CACNA1B: variants seen among roughly 807,000 people sequenced by gnomAD.
CACNA1B encodes voltage-dependent N-type calcium channel subunit alpha-1B.
Under a neutral mutation model 247.2 loss-of-function variants are expected in CACNA1B, and 70 were observed. The ratio of observed to expected loss-of-function variants is 0.28; its 90% CI spans 0.23 to 0.35. CACNA1B has a LOEUF of 0.35. Ranked by LOEUF, CACNA1B falls within the 10% of genes least tolerant of loss-of-function variation. The pLI, the probability that CACNA1B is intolerant of heterozygous loss-of-function variation, is 1.00. For synonymous variants in CACNA1B, 1,231 were observed against 1,294.4 expected (o/e 0.95, Z 1.05); for missense variants, 2,367 against 3,197.4 (o/e 0.74, Z 6.26).
rs1958869215 is a variant in CACNA1B at position 138,023,056 on chromosome 9, G to C, written c.2313G>C (p.Arg771=). 1 of 1,528,558 alleles carries C rather than the reference G, an allele frequency of 6.5e-7. No homozygotes were observed. Among genetic ancestry groups the C allele is most frequent in the Non-Finnish European group, 8.7e-7 (1 of 1,144,372 alleles). The allele number at this position is 1,528,558 out of a possible 1,614,324, so 94.7% of individuals were successfully genotyped here. Residue 771 remains arginine (R), a synonymous_variant, in exon 19 of 47, where the codon CGG becomes CGC. Coordinates refer to ENST00000371372, the MANE Select transcript of CACNA1B (RefSeq NM_000718.4). The part of the protein sequence containing the change: ...SAKARSVWEQ[R]ASQLRLQNLR... ...AGGCGCGCTCGGTGTGGGAGCAGCG[G>C]GCCAGCCAGCTACGGCTGCAGAACC... is the stretch of plus-strand genomic sequence containing the variant.
At chr9:138,039,275 T>C (rs2133462679) in intron 20 of CACNA1B, among the ~76,000 whole-genome samples, 1 of 152,322 alleles carries the variant, frequency 6.6e-6, no homozygotes, top group South Asian at 2.1e-4. Context: ...TAGAAGATTG[T>C]AGGATTTTAA....
chr9:137,975,842 T>A, intron 11 of CACNA1B, 65 bp from the exon 12 acceptor site: 1 of 964,318 alleles, frequency 1.0e-6, no homozygotes, highest in Non-Finnish European at 1.7e-6. Flanking sequence ...TGTCCTCCAG[T>A]CTGGGCTGGA....
rs1959551005 is a variant in CACNA1B at position 138,057,417 on chromosome 9, T to C, written c.3969-315T>C. ...GATTTATCTGTATTTTTTATTCTGT[T>C]GCTCATGATTTTGGTGTCACATCTA... On this transcript the variant is annotated intron_variant, in intron 26 of 46. Coordinates refer to ENST00000371372, the MANE Select transcript of CACNA1B (RefSeq NM_000718.4). The surrounding 1 kb of genome is among the most constrained non-coding windows in gnomAD (Gnocchi z 4.0). Among the ~76,000 whole-genome samples the C allele has an allele frequency of 6.6e-6, 1 of 152,202 alleles. No individual in the cohort carries two copies. Among genetic ancestry groups the C allele is most frequent in the African/African-American group, 2.4e-5 (1 of 41,442 alleles).
chr9:137,928,249 C>G (rs1037366564), intron 6 of CACNA1B, among the ~76,000 whole-genome samples: 1 of 152,146 alleles, frequency 6.6e-6, no homozygotes, highest in South Asian at 2.1e-4. Flanking sequence ...AGGCACCCAC[C>G]ACCACGCCTG....
chr9:137,963,333 C>T (rs1303620765), intron 10 of CACNA1B, among the ~76,000 whole-genome samples: 1 of 152,132 alleles, frequency 6.6e-6, no homozygotes, highest in Non-Finnish European at 1.5e-5. Flanking sequence ...GTTCTTTAAC[C>T]TGCCTGCCAT....
At chr9:137,912,093 T>C (rs1957365729) in intron 3 of CACNA1B, among the ~76,000 whole-genome samples, 1 of 152,252 alleles carries the variant, frequency 6.6e-6, no homozygotes, top group African/African-American at 2.4e-5. Flanking sequence ...AGTTGTGTAA[T>C]GTTTCATATG....
chr9:137,921,030 T>A (rs112233502), intron 6 of CACNA1B, among the ~76,000 whole-genome samples: 1 of 100,058 alleles, frequency 1.0e-5, no homozygotes, highest in African/African-American at 4.1e-5. Flanking sequence ...TGAGAGGGAA[T>A]TCAGAGGGAA....
At chr9:137,984,971 G>T (rs183220316) in intron 13 of CACNA1B, among the ~76,000 whole-genome samples, 1 of 152,124 alleles carries the variant, frequency 6.6e-6, no homozygotes, top group African/African-American at 2.4e-5. Flanking sequence ...CAGTCTCATC[G>T]GCAGCAAAGG....
chr9:138,120,262 C>T lies in CACNA1B; in HGVS notation c.6128C>T (p.Pro2043Leu), dbSNP rs760166013. ...HLCSTTPDRP[P>L]PSQASSHHHH... ...TGCAGCACCACCCCGGACCGCCCAC[C>T]CCCTAGCCAGGCGTCGTCGCACCAC... Residue 2043 changes from proline to leucine, a missense_variant, in exon 45 of 47, where the codon CCC (proline) becomes CTC (leucine). Transcript: ENST00000371372. 6.3e-7 allele frequency: 1 copy of T among 1,599,458 alleles called. No homozygotes were observed. The highest frequency in any genetic ancestry group is 8.5e-7 in the Non-Finnish European group (1 of 1,174,506).
intron 15 of CACNA1B, among the ~76,000 whole-genome samples, chr9:138,005,629 A>G (rs1210382982): frequency 6.6e-6 from 1 of 152,238 alleles, no homozygotes; most frequent in African/African-American, 2.4e-5. Flanking sequence ...TCCCAACACA[A>G]TGCTAAATGT....
chr9:137,988,897 G>A (rs1331790908), intron 15 of CACNA1B, among the ~76,000 whole-genome samples: 1 of 152,190 alleles, frequency 6.6e-6, no homozygotes, highest in Non-Finnish European at 1.5e-5. Context: ...ATTCCCACAG[G>A]TGAATCTGGA....
intron 20 of CACNA1B, among the ~76,000 whole-genome samples, chr9:138,035,900 T>G (rs1328004431): frequency 6.6e-6 from 1 of 152,230 alleles, no homozygotes; most frequent in Non-Finnish European, 1.5e-5. Context: ...AAAGTTTAAA[T>G]TTTTTGTTTC....
At chr9:137,946,762 G>A (rs1957801388) in intron 6 of CACNA1B, among the ~76,000 whole-genome samples, 1 of 152,216 alleles carries the variant, frequency 6.6e-6, no homozygotes, top group African/African-American at 2.4e-5. Flanking sequence ...AGTGTCCTGA[G>A]TTGGAAAGAG....
At chr9:137,918,216 G>T (rs556919590) in intron 6 of CACNA1B, among the ~76,000 whole-genome samples, 3 of 152,108 alleles carry the variant, frequency 2.0e-5, no homozygotes, top group East Asian at 1.9e-4. Flanking sequence ...GGCTTGGGGG[G>T]GGTGCCTGAT....
intron 15 of CACNA1B, among the ~76,000 whole-genome samples, chr9:137,991,859 T>C (rs1364620689): frequency 6.6e-6 from 1 of 152,152 alleles, no homozygotes; most frequent in Non-Finnish European, 1.5e-5. Flanking sequence ...AATGAAGGAA[T>C]GATACAGTCT....
rs757517541 is a variant in CACNA1B at position 137,932,915 on chromosome 9, T to TTTTA, written c.966+15507_966+15510dup. Among the ~76,000 whole-genome samples the TTTTA allele has an allele frequency of 4.4e-3, 539 of 123,000 alleles. 3 individuals are homozygous for TTTTA. Among genetic ancestry groups the TTTTA allele is most frequent in the Admixed American group, 4.9e-3 (70 of 14,334 alleles). 80.7% of individuals were successfully genotyped at this position (123,000 alleles called of 152,430 possible). A position where few individuals can be genotyped will look rare whatever the true frequency, so the allele number is the denominator to read the frequency against. ...ATTGATGACTTTATTTTATCTTTACTTTTATTTATTTATTTATTTATTTAT... is the reference window on the plus strand; with the variant it reads ...ATTGATGACTTTATTTTATCTTTACTTTTATTTATTTATTTATTTATTTATTTAT... On this transcript the variant is annotated intron_variant, in intron 6 of 46. Transcript: ENST00000371372.
In CACNA1B at chr9:137,914,885, C is replaced by G; in HGVS notation, c.775+79C>G. The stretch of plus-strand genomic sequence containing the variant: ...CAGGAGATGGGCACTGTTCTAGGTG[C>G]TAGAGGGGCCTTCTTGGTGCCAGAT... On this transcript the variant is annotated intron_variant, in intron 5 of 46. Coordinates refer to ENST00000371372, the MANE Select transcript of CACNA1B (RefSeq NM_000718.4). The surrounding 1 kb of genome is among the most constrained non-coding windows in gnomAD (Gnocchi z 4.3). The G allele has an allele frequency of 1.3e-6, 2 of 1,485,280 alleles. No individual in the cohort carries two copies. The highest frequency in any genetic ancestry group is 1.8e-6 in the Non-Finnish European group (2 of 1,102,700). The allele number at this position is 1,485,280 out of a possible 1,614,324, so 92.0% of individuals were successfully genotyped here. A position where few individuals can be genotyped will look rare whatever the true frequency, so the allele number is the denominator to read the frequency against.
chr9:138,082,354 C>G (rs1960548114), intron 36 of CACNA1B, among the ~76,000 whole-genome samples: 1 of 151,334 alleles, frequency 6.6e-6, no homozygotes, highest in Admixed American at 6.6e-5. Context: ...CCTCCTGAGT[C>G]TGAGTAGGCT....
Position 138,058,429 on chromosome 9 carries a change from G to A in CACNA1B, c.4309-140G>A. The A allele has an allele frequency of 1.1e-6, 1 of 927,934 alleles. No individual in the cohort carries two copies. Among genetic ancestry groups the A allele is most frequent in the South Asian group, 1.6e-5 (1 of 62,856 alleles). 57.5% of individuals were successfully genotyped at this position (927,934 alleles called of 1,614,324 possible). On this transcript the variant is annotated intron_variant, in intron 28 of 46. Coordinates refer to ENST00000371372, the MANE Select transcript of CACNA1B (RefSeq NM_000718.4). This position sits in a 1 kb window ranked among gnomAD's most constrained non-coding sequence, Gnocchi z 4.7. ...GGATTTGGCTGGTTGAGGCCTGCTT[G>A]GAGAAGGTCTGGGCTGCTTCAATTT...
Sources: gnomAD v4.1 joint callset for allele counts (sites outside exome capture counted in the v4.1 genomes callset) on GRCh38, gnomAD v4.1.1 for gene constraint, Gnocchi (gnomAD v3.1) non-coding constraint, MANE v1.5 for transcripts, NCBI Gene and HGNC (gene_info 2026-07-23, HGNC 2026-07-21) for gene names.